IPO11: variants seen among roughly 807,000 people sequenced by gnomAD.
IPO11 encodes the protein importin 11, also known as importin-11.
Under a neutral mutation model 143.2 loss-of-function variants are expected in IPO11, and 66 were observed. That is an observed-to-expected ratio of 0.46 (90% CI 0.38 to 0.57). The LOEUF is 0.57. IPO11 is among the 20% of genes least tolerant of loss of function. IPO11 has a pLI of 0.00. For missense variants in IPO11, 1,026 were observed against 1,141.0 expected (o/e 0.90, Z 1.45); for synonymous variants, 385 against 377.8 (o/e 1.02, Z -0.22).
intron 29 of IPO11, among the ~76,000 whole-genome samples, chr5:62,623,893 G>A (rs571169892): frequency 6.6e-6 from 1 of 152,056 alleles, no homozygotes; most frequent in Non-Finnish European, 1.5e-5. Flanking sequence ...AAAGTGCAGG[G>A]ATTACAGGCG....
chr5:62,463,949 G>T (rs1418161412), intron 5 of IPO11, among the ~76,000 whole-genome samples: 29 of 151,306 alleles, frequency 1.9e-4, no homozygotes, highest in Admixed American at 1.9e-3. Context: ...TTAGCTTCCC[G>T]AGTAGCTGGG....
intron 29 of IPO11, among the ~76,000 whole-genome samples, chr5:62,618,638 A>G (rs954287514): frequency 5.3e-5 from 8 of 152,210 alleles, no homozygotes; most frequent in African/African-American, 1.9e-4. Flanking sequence ...TTGTACATGC[A>G]AGTCTAGGCT....
At chr5:62,525,526 A>T (rs1270593778) in intron 20 of IPO11, among the ~76,000 whole-genome samples, 1 of 152,070 alleles carries the variant, frequency 6.6e-6, no homozygotes, top group Non-Finnish European at 1.5e-5. Flanking sequence ...TGGGACTCTA[A>T]GCAGGCACCA....
intron 12 of IPO11, among the ~76,000 whole-genome samples, chr5:62,486,289 G>GT (rs1746404289): frequency 6.6e-6 from 1 of 152,024 alleles, no homozygotes; most frequent in South Asian, 2.1e-4. Context: ...CTTTTCTTTT[G>GT]TTTAACTTGG....
At chr5:62,459,092 A>G (rs1360945494) in intron 5 of IPO11, among the ~76,000 whole-genome samples, 2 of 150,600 alleles carry the variant, frequency 1.3e-5, no homozygotes, top group South Asian at 2.1e-4. Flanking sequence ...GAGTAGTTTT[A>G]CTCTTTTTTT....
intron 24 of IPO11, among the ~76,000 whole-genome samples, chr5:62,539,197 G>C (rs956394410): frequency 2.6e-5 from 4 of 152,114 alleles, no homozygotes; most frequent in Admixed American, 1.3e-4. Flanking sequence ...AAAAAAATCA[G>C]TGTTTGCAGG....
intron 24 of IPO11, 127 bp downstream of exon 24, chr5:62,537,416 C>A: frequency 1.6e-6 from 1 of 614,544 alleles, no homozygotes; most frequent in Admixed American, 2.8e-5. Flanking sequence ...GCTATTTTGG[C>A]AGTTTTCAGT....
intron 3 of IPO11, among the ~76,000 whole-genome samples, chr5:62,446,119 ATTTG>A (rs1461638273): frequency 1.3e-5 from 2 of 152,158 alleles, no homozygotes; most frequent in Admixed American, 1.3e-4. Context: ...TTGTTTTCTC[ATTTG>A]TTTATTAACT....
At chr5:62,418,026 C>T (rs890059117) in intron 1 of IPO11, among the ~76,000 whole-genome samples, 1 of 152,144 alleles carries the variant, frequency 6.6e-6, no homozygotes, top group Non-Finnish European at 1.5e-5. Flanking sequence ...GAATTTCACT[C>T]GTAGCCCAGG....
intron 28 of IPO11, among the ~76,000 whole-genome samples, chr5:62,598,701 C>A (rs1409445259): frequency 6.6e-6 from 1 of 150,850 alleles, no homozygotes; most frequent in Non-Finnish European, 1.5e-5. Context: ...CGTGCCACCA[C>A]GCCTGGCTAA....
chr5:62,556,852 T>C (rs1269402114), intron 26 of IPO11, among the ~76,000 whole-genome samples: 1 of 152,154 alleles, frequency 6.6e-6, no homozygotes, highest in Non-Finnish European at 1.5e-5. Context: ...CTTTCCTTGC[T>C]CTCCTAGTCT....
chr5:62,581,222 C>A (rs1744547417), intron 27 of IPO11: 2 of 1,550,012 alleles, frequency 1.3e-6, no homozygotes, highest in African/African-American at 2.7e-5. Flanking sequence ...CTAGAAAGTC[C>A]TGGCTTGGAG....
intron 7 of IPO11, among the ~76,000 whole-genome samples, 157 bp from the exon 8 acceptor site, chr5:62,474,259 A>G (rs560693591): frequency 6.6e-6 from 1 of 152,344 alleles, no homozygotes; most frequent in Non-Finnish European, 1.5e-5. Flanking sequence ...CTTGTTTATA[A>G]TAGTGAACTG....
intron 22 of IPO11, among the ~76,000 whole-genome samples, chr5:62,532,514 T>C (rs1387107596): frequency 6.6e-6 from 1 of 151,998 alleles, no homozygotes; most frequent in African/African-American, 2.4e-5. Flanking sequence ...TGTGCCACCA[T>C]GCCCAGCTAA....
chr5:62,572,061 A>G (rs1744147510), intron 27 of IPO11, among the ~76,000 whole-genome samples: 1 of 152,206 alleles, frequency 6.6e-6, no homozygotes. Context: ...CCAAACTGAA[A>G]TTCAAGTCCA....
chr5:62,551,606 T>G (rs1743392436), intron 26 of IPO11, among the ~76,000 whole-genome samples: 1 of 152,200 alleles, frequency 6.6e-6, no homozygotes, highest in South Asian at 2.1e-4. Flanking sequence ...TAGCTGCTGT[T>G]TTTCTTCACT....
intron 29 of IPO11, among the ~76,000 whole-genome samples, chr5:62,614,059 G>T (rs10051492): frequency 6.6e-6 from 1 of 152,040 alleles, no homozygotes; most frequent in Non-Finnish European, 1.5e-5. Flanking sequence ...TTTCTTTTTC[G>T]CATGTGCATT....
intron 24 of IPO11, among the ~76,000 whole-genome samples, chr5:62,541,057 G>A (rs1252083332): frequency 3.3e-5 from 5 of 152,114 alleles, no homozygotes; most frequent in African/African-American, 1.2e-4. Context: ...ATTTCAGCTG[G>A]CTCTTTAAAA....
chr5:62,620,646 C>T (rs1746321939), intron 29 of IPO11, among the ~76,000 whole-genome samples: 1 of 151,826 alleles, frequency 6.6e-6, no homozygotes, highest in Admixed American at 6.6e-5. Context: ...TTTCTAAAGA[C>T]CTGGAGTCAA....
Sources: allele counts gnomAD v4.1 joint callset (sites outside exome capture counted in the v4.1 genomes callset), GRCh38; gene constraint gnomAD v4.1.1; transcripts MANE v1.5; gene names NCBI Gene and HGNC (gene_info 2026-07-23, HGNC 2026-07-21).